Variants in MIX23 observed in about 807,000 individuals in gnomAD.
MIX23 encodes the protein mitochondrial matrix import factor 23.
MIX23 carries 13 observed loss-of-function variants against 21.6 expected under a neutral mutation model. The ratio of observed to expected loss-of-function variants is 0.60; its 90% CI spans 0.39 to 0.96. MIX23 has a LOEUF of 0.96. Ranked by LOEUF, MIX23 falls within the 40% of genes least tolerant of loss-of-function variation. The probability of loss-of-function intolerance (pLI) is 0.00; values close to 1 mark genes in which losing one functional copy is unlikely to be tolerated. For synonymous variants in MIX23, 59 were observed against 58.0 expected (o/e 1.02, Z -0.08); for missense variants, 144 against 171.2 (o/e 0.84, Z 0.89).
chr3:122,370,364 C>T (rs2075431475), intron 2 of MIX23, among the ~76,000 whole-genome samples: 1 of 139,908 alleles, frequency 7.1e-6, no homozygotes, highest in South Asian at 2.2e-4. Flanking sequence ...GGCTGAGGTG[C>T]AAGAATCATT....
intron 4 of MIX23, 67 bp downstream of exon 4, chr3:122,362,901 C>T: frequency 1.5e-6 from 2 of 1,304,926 alleles, no homozygotes; most frequent in South Asian, 1.2e-5. Context: ...ACTCCCCCTC[C>T]CTTGGTTTCC....
At chr3:122,364,042 G>C (rs919835120) in intron 3 of MIX23, among the ~76,000 whole-genome samples, 4 of 152,204 alleles carry the variant, frequency 2.6e-5, no homozygotes, top group African/African-American at 9.7e-5. Context: ...GGAACAAAAT[G>C]TCAGAAAGCT....
At chr3:122,373,619 A>G (rs1487524949) in intron 1 of MIX23, among the ~76,000 whole-genome samples, 1 of 152,166 alleles carries the variant, frequency 6.6e-6, no homozygotes, top group African/African-American at 2.4e-5. Flanking sequence ...TATCCTGTTC[A>G]AGCACAACTC....
rs567828582 is a variant in MIX23, at chr3:122,368,459, GAGA to G, written c.178-140_178-138del. 9.5e-5 allele frequency: 85 copies of G among 891,728 alleles called. No homozygotes were observed. The African/African-American group carries it at 1.3e-3, about 13-fold the overall frequency. 55.2% of individuals were successfully genotyped at this position (891,728 alleles called of 1,614,324 possible). On this transcript the variant is annotated intron_variant, in intron 2 of 4. Transcript: ENST00000291458. ...ATTTCTGACGACTGAAACCATGAAA[GAGA>G]AGATTGTGTTGAATCAGCTACCTCA...
At chr3:122,379,700 C>T (rs539084380) in intron 1 of MIX23, among the ~76,000 whole-genome samples, 52 of 152,322 alleles carry the variant, frequency 3.4e-4, no homozygotes, top group Admixed American at 2.5e-3. Context: ...AGAAATAACA[C>T]AGAAATACAC....
At chr3:122,380,730 AT>A (rs1233726113) in intron 1 of MIX23, among the ~76,000 whole-genome samples, 1 of 152,226 alleles carries the variant, frequency 6.6e-6, no homozygotes, top group Non-Finnish European at 1.5e-5. Flanking sequence ...CATAGCTTAG[AT>A]TATAAAATTC....
At chr3:122,377,076 G>C (rs534325478) in intron 1 of MIX23, among the ~76,000 whole-genome samples, 41 of 152,272 alleles carry the variant, frequency 2.7e-4, no homozygotes, top group African/African-American at 9.4e-4. Flanking sequence ...AGCTACTTAG[G>C]AGGCTAAGGC....
Position 122,359,650 on chromosome 3 carries a change from G to C in MIX23, c.*219C>G, listed in dbSNP as rs1354980421. ...AAAATTTTTTTTTTTTTTTTTTACA[G>C]AATCAGTATAAAATAGCAGTTGATT... On this transcript the variant is annotated 3_prime_UTR_variant, in exon 5 of 5. Coordinates refer to ENST00000291458, the MANE Select transcript of MIX23 (RefSeq NM_001017928.4). 7.8e-6 allele frequency: 2 copies of C among 255,246 alleles called. 1 individual carries two copies. The highest frequency in any genetic ancestry group is 1.4e-5 in the Non-Finnish European group (2 of 146,544). 15.8% of individuals were successfully genotyped at this position (255,246 alleles called of 1,614,324 possible). A position where few individuals can be genotyped will look rare whatever the true frequency, so the allele number is the denominator to read the frequency against.
intron 2 of MIX23, among the ~76,000 whole-genome samples, chr3:122,370,589 G>A (rs78372344): frequency 0.013 from 2,023 of 151,632 alleles, 43 homozygotes; most frequent in African/African-American, 0.046. Context: ...CACTATAAAC[G>A]TCTAGGTTAA....
intron 4 of MIX23, 139 bp downstream of exon 4, chr3:122,362,829 A>G (rs1206814515): frequency 7.1e-5 from 23 of 324,186 alleles, no homozygotes; most frequent in African/African-American, 5.0e-4. Flanking sequence ...AAAGGTTACA[A>G]TCCTCAATTG....
chr3:122,362,896 C>T (rs1004886659), intron 4 of MIX23, 72 bp downstream of exon 4: 1 of 1,223,704 alleles, frequency 8.2e-7, no homozygotes, highest in African/African-American at 1.5e-5. Flanking sequence ...TCTTTACTCC[C>T]CCTCCCTTGG....
Position 122,371,688 on chromosome 3 carries a change from TG to T in MIX23, c.163del (p.Gln55AsnfsTer6). On this transcript the variant is annotated frameshift_variant, in exon 2 of 5. Transcript: ENST00000291458. LOFTEE classifies it high-confidence loss of function. ...AAATACACTTACAGACTCATAAAGT[TG>T]TTTACAGGTTTGGCTGGCATCAATT... ...GKIDASQTCK[Q>X]LYESLMAAHA... 6.2e-7 allele frequency: 1 copy of T among 1,612,192 alleles called. No homozygotes were observed. Among genetic ancestry groups the T allele is most frequent in the Non-Finnish European group, 8.5e-7 (1 of 1,179,826 alleles).
intron 1 of MIX23, among the ~76,000 whole-genome samples, chr3:122,377,348 T>C (rs2075495950): frequency 6.6e-6 from 1 of 152,134 alleles, no homozygotes; most frequent in South Asian, 2.1e-4. Flanking sequence ...CTGACACTGA[T>C]CGGGGTGGAG....
intron 4 of MIX23, among the ~76,000 whole-genome samples, chr3:122,362,487 G>T (rs1409030172): frequency 5.5e-5 from 8 of 144,958 alleles, no homozygotes; most frequent in African/African-American, 1.8e-4. Flanking sequence ...TTTTGTTTTG[G>T]TTTTTTTTTT....
chr3:122,367,418 G>A (rs929191803), intron 3 of MIX23, among the ~76,000 whole-genome samples: 1 of 152,162 alleles, frequency 6.6e-6, no homozygotes, highest in African/African-American at 2.4e-5. Flanking sequence ...ACATACAAGT[G>A]CTGTAAAGAA....
intron 1 of MIX23, among the ~76,000 whole-genome samples, chr3:122,376,166 CAAAAA>C (rs1158747986): frequency 3.1e-5 from 2 of 64,474 alleles, no homozygotes; most frequent in South Asian, 7.9e-4. Context: ...GACTCCGTCT[CAAAAA>C]AAAAAAAAAA....
At chr3:122,375,272 C>G (rs1176150184) in intron 1 of MIX23, among the ~76,000 whole-genome samples, 1 of 152,154 alleles carries the variant, frequency 6.6e-6, no homozygotes, top group African/African-American at 2.4e-5. Context: ...AGCATGACTT[C>G]CAGGCTTGGG....
intron 2 of MIX23, among the ~76,000 whole-genome samples, 170 bp from the exon 3 acceptor site, chr3:122,368,492 A>G (rs2075414500): frequency 6.6e-6 from 1 of 152,206 alleles, no homozygotes; most frequent in African/African-American, 2.4e-5. Context: ...ACCTCATCTA[A>G]AAACATAACT....
rs143926703 is a variant in MIX23 at position 122,366,146 on chromosome 3, C to T, written c.324+2030G>A. Among the ~76,000 whole-genome samples, 2,430 of 151,552 alleles carry T rather than the reference C, an allele frequency of 0.016. 138 individuals are homozygous for T. The East Asian group carries it at 0.19, about 12-fold the overall frequency. On this transcript the variant is annotated intron_variant, in intron 3 of 4. Coordinates refer to ENST00000291458, the MANE Select transcript of MIX23 (RefSeq NM_001017928.4). ...TGAGCCAAGATTGCACCACTGCACT[C>T]CAGCCCAGGCGATAGTGCGAGACTC...
Sources: gnomAD v4.1 joint callset for allele counts (sites outside exome capture counted in the v4.1 genomes callset) on GRCh38, gnomAD v4.1.1 for gene constraint, MANE v1.5 for transcripts, NCBI Gene and HGNC (gene_info 2026-07-23, HGNC 2026-07-21) for gene names.